The following SEH1L variants were observed in gnomAD, a reference collection of about 807,000 sequenced individuals.
SEH1L encodes nucleoporin SEH1.
SEH1L carries 18 observed loss-of-function variants against 49.5 expected under a neutral mutation model. The ratio of observed to expected loss-of-function variants is 0.36; its 90% confidence interval spans 0.25 to 0.54. The LOEUF is 0.54. Ranked by LOEUF, SEH1L falls within the 20% of genes least tolerant of loss-of-function variation. The pLI is 0.87. For missense variants in SEH1L, 404 were observed against 528.8 expected, an observed-to-expected ratio of 0.76 and a Z score of 2.31; for synonymous variants, 169 against 178.1, an observed-to-expected ratio of 0.95 and a Z score of 0.41.
In SEH1L at chr18:12,984,156, C is replaced by A; in HGVS notation, c.1036C>A (p.Leu346Ile). ...NPSLGSTIPS[L>I]QNSLNGSSAG... ...TTCCCTAGGTTCAACTATTCCAAGT[C>A]TTCAGAATTCATTAAATGGATCTTC... The change falls in exon 8 of 9, where the codon CTT (leucine) becomes ATT (isoleucine). Residue 346 changes from leucine (L) to isoleucine (I), a missense_variant. Leu to Ile is a conservative substitution (Grantham distance 5, BLOSUM62 2). This residue lies in a region of SEH1L where 342 missense variants were observed against 430.8 expected (regional missense o/e 0.79). Transcript: ENST00000399892. 1 of 1,613,874 alleles carries A rather than the reference C, an allele frequency of 6.2e-7. No homozygotes were observed. The highest frequency in any genetic ancestry group is 8.5e-7 in the Non-Finnish European group (1 of 1,179,808).
chr18:12,985,558 A>G (rs1256694708), intron 8 of SEH1L: 5 of 1,134,222 alleles, frequency 4.4e-6, no homozygotes, highest in Non-Finnish European at 4.3e-6. Flanking sequence ...TAAAGATTAA[A>G]AGGGTTGTTA....
In SEH1L at chr18:12,951,852, T is replaced by A. The variant is rs749269892; in HGVS notation, c.112-3T>A. 1.4e-5 allele frequency: 22 copies of A among 1,559,888 alleles called. No homozygotes were observed. In the Admixed American group the frequency reaches 4.0e-4, roughly 28 times the overall value. On this transcript the variant is annotated splice_region_variant and splice_polypyrimidine_tract_variant and intron_variant, in intron 1 of 8. Coordinates refer to ENST00000399892, the MANE Select transcript of SEH1L (RefSeq NM_001013437.2). ...AAAATATCTGCCTTTTATTTTCTTA[T>A]AGGTCTGGGATAAAAGTGAAAGTGG...
chr18:12,984,349 G>T, intron 8 of SEH1L, 159 bp downstream of exon 8: 1 of 762,400 alleles, frequency 1.3e-6, no homozygotes. Flanking sequence ...CTATGTATTT[G>T]GCTTACTTGG....
intron 4 of SEH1L, among the ~76,000 whole-genome samples, chr18:12,963,781 T>C (rs1038967555): frequency 2.6e-5 from 4 of 152,200 alleles, no homozygotes; most frequent in African/African-American, 9.6e-5. Flanking sequence ...GGCACCATCT[T>C]GGCTCACAGT....
At position 12,981,148 on chromosome 18, in the gene SEH1L, C is replaced by T. The variant is rs563799946; in HGVS notation, c.762-1370C>T. Among the ~76,000 whole-genome samples the T allele has an allele frequency of 1.3e-3, 194 of 151,768 alleles. 1 individual carries two copies. The highest frequency in any genetic ancestry group is 4.2e-3 in the African/African-American group (173 of 41,376). On this transcript the variant is annotated intron_variant, in intron 6 of 8. Coordinates refer to ENST00000399892, the MANE Select transcript of SEH1L (RefSeq NM_001013437.2). ...TGCTCCCCACATCTCAGATGATGGG[C>T]GGCCGGGCAGAGACGCTCCTCACTT...
At chr18:12,969,565 G>T (rs1465454302) in intron 4 of SEH1L, among the ~76,000 whole-genome samples, 1 of 152,038 alleles carries the variant, frequency 6.6e-6, no homozygotes, top group Non-Finnish European at 1.5e-5. Context: ...GCGCGTGCCT[G>T]TAATCCCAGC....
At chr18:12,969,629 A>AGTAAAC (rs1374871490) in intron 4 of SEH1L, among the ~76,000 whole-genome samples, 1 of 152,006 alleles carries the variant, frequency 6.6e-6, no homozygotes, top group East Asian at 1.9e-4. Flanking sequence ...TGGAGGTTGC[A>AGTAAAC]GTAAACCAAG....
chr18:12,980,446 G>A (rs1334199686), intron 6 of SEH1L, among the ~76,000 whole-genome samples: 3 of 68,768 alleles, frequency 4.4e-5, no homozygotes, highest in Non-Finnish European at 7.9e-5. Context: ...CCTCCCGGAC[G>A]GGGCGGCTGG....
At chr18:12,964,502 C>T (rs2031342538) in intron 4 of SEH1L, 1 of 151,992 alleles carries the variant, frequency 6.6e-6, no homozygotes, top group Admixed American at 6.6e-5. Context: ...CAAGGTATGA[C>T]TAGATAGATA....
intron 6 of SEH1L, among the ~76,000 whole-genome samples, chr18:12,980,273 G>A (rs1476213786): frequency 7.7e-6 from 1 of 130,668 alleles, no homozygotes; most frequent in South Asian, 2.7e-4. Context: ...CCCGGTCGGG[G>A]CGGCTGGCCG....
chr18:12,971,350 T>C, intron 5 of SEH1L, 99 bp downstream of exon 5: 2 of 809,178 alleles, frequency 2.5e-6, no homozygotes, highest in Non-Finnish European at 4.0e-6. Flanking sequence ...TCATTCATCA[T>C]ATGTTTGCTG....
chr18:12,953,843 T>C (rs1033472566), intron 2 of SEH1L, among the ~76,000 whole-genome samples: 1 of 152,236 alleles, frequency 6.6e-6, no homozygotes, highest in Non-Finnish European at 1.5e-5. Context: ...TATGTACTTT[T>C]CTATATCTTT....
intron 1 of SEH1L, among the ~76,000 whole-genome samples, chr18:12,949,596 G>A (rs914010629): frequency 6.6e-6 from 1 of 151,398 alleles, no homozygotes; most frequent in African/African-American, 2.4e-5. Flanking sequence ...GGGACTACAG[G>A]CGCCCGCCAC....
chr18:12,970,543 C>T lies in SEH1L; in HGVS notation c.522-610C>T, dbSNP rs771004200. ...GCAAGTGATCCTCCTGCCTCAGCTC[C>T]TGAGTAGCTGAGACAAACGGCACAT... On this transcript the variant is annotated intron_variant, in intron 4 of 8. Coordinates refer to ENST00000399892, the MANE Select transcript of SEH1L (RefSeq NM_001013437.2). Among the ~76,000 whole-genome samples, 23 of 152,222 alleles carry T rather than the reference C, an allele frequency of 1.5e-4. 1 individual carries two copies. The highest frequency in any genetic ancestry group is 3.2e-4 in the Non-Finnish European group (22 of 68,036).
At chr18:12,986,719 T>C (rs2032470957) in intron 8 of SEH1L, 143 bp from the exon 9 acceptor site, 4 of 1,309,922 alleles carry the variant, frequency 3.1e-6, no homozygotes, top group Non-Finnish European at 3.9e-6. Context: ...GGCATGAATA[T>C]ACTAAAGCTT....
chr18:12,953,991 T>G (rs1185383358), intron 2 of SEH1L, among the ~76,000 whole-genome samples: 1 of 152,208 alleles, frequency 6.6e-6, no homozygotes, highest in Non-Finnish European at 1.5e-5. Context: ...CTAATAAAAC[T>G]TATCTGCCTT....
At chr18:12,963,396 A>G in intron 4 of SEH1L, 25 bp downstream of exon 4, 1 of 1,541,942 alleles carries the variant, frequency 6.5e-7, no homozygotes, top group South Asian at 1.1e-5. Flanking sequence ...TAAACCTCTG[A>G]TAACATCCTA....
chr18:12,948,409 C>CGGCGGCCTCGCGG (rs967699255), intron 1 of SEH1L, 177 bp downstream of exon 1: 17 of 493,806 alleles, frequency 3.4e-5, no homozygotes, highest in Non-Finnish European at 5.7e-5. Context: ...TGTGGGGTCA[C>CGGCGGCCTCGCGG]GGCGGCCTCG....
rs571132777 is a variant in SEH1L at position 12,966,249 on chromosome 18, T to C, written c.521+2878T>C. ...CTGAGATTACAGGCATGTGCCACCA[T>C]GCCCGTCTAATTTTATATTTTTAGT... On this transcript the variant is annotated intron_variant, in intron 4 of 8. Transcript: ENST00000399892. Among the ~76,000 whole-genome samples the C allele has an allele frequency of 5.8e-4, 88 of 151,928 alleles. 1 individual carries two copies. Among genetic ancestry groups the C allele is most frequent in the Admixed American group, 3.6e-3 (55 of 15,258 alleles).
Sources: gnomAD v4.1 joint callset for allele counts (sites outside exome capture counted in the v4.1 genomes callset) on GRCh38, gnomAD v4.1.1 for gene constraint, gnomAD v4.1.1 regional missense constraint, MANE v1.5 for transcripts, NCBI Gene and HGNC (gene_info 2026-07-23, HGNC 2026-07-21) for gene names.